PHKB: variants seen among roughly 807,000 people sequenced by gnomAD.
PHKB encodes the protein phosphorylase kinase regulatory subunit beta.
In PHKB, 122 loss-of-function variants were observed where a neutral mutation model predicts 152.1. The observed-to-expected ratio is 0.80, with a 90% CI of 0.69 to 0.93. The LOEUF is 0.93. Among genes scored for constraint, PHKB ranks in the 40% least tolerant of loss-of-function variants. The pLI is 0.00. For missense variants in PHKB, 1,304 were observed against 1,328.4 expected, an observed-to-expected ratio of 0.98 and a Z score of 0.29; for synonymous variants, 436 against 464.9, an observed-to-expected ratio of 0.94 and a Z score of 0.80.
At chr16:47,653,551 T>C (rs532618404) in intron 20 of PHKB, among the ~76,000 whole-genome samples, 2 of 152,180 alleles carry the variant, frequency 1.3e-5, no homozygotes, top group African/African-American at 4.8e-5. Context: ...CTTAAACATT[T>C]TTTTCCACTA....
At chr16:47,566,725 TA>T in intron 7 of PHKB, 1 of 768,604 alleles carries the variant, frequency 1.3e-6, no homozygotes, top group Non-Finnish European at 2.4e-6. Flanking sequence ...TCTTCATCAT[TA>T]CTGTTCCAAG....
intron 3 of PHKB, among the ~76,000 whole-genome samples, chr16:47,501,296 G>A (rs1970320740): frequency 6.6e-6 from 1 of 152,156 alleles, no homozygotes; most frequent in African/African-American, 2.4e-5. Context: ...CTTTAAAAAT[G>A]TCAGTATTAC....
intron 11 of PHKB, 33 bp downstream of exon 11, chr16:47,593,590 C>A: frequency 8.2e-7 from 1 of 1,225,972 alleles, no homozygotes; most frequent in African/African-American, 1.5e-5. Flanking sequence ...TTTAAGCAAG[C>A]TTTTTCCTGA....
intron 26 of PHKB, among the ~76,000 whole-genome samples, chr16:47,671,215 A>G (rs540308645): frequency 5.3e-5 from 8 of 152,296 alleles, no homozygotes; most frequent in African/African-American, 1.7e-4. Flanking sequence ...TTAGCTTGCT[A>G]TATTGTCTTC....
intron 10 of PHKB, 129 bp from the exon 11 acceptor site, chr16:47,593,371 G>T (rs894818523): frequency 3.2e-6 from 2 of 625,376 alleles, no homozygotes; most frequent in African/African-American, 1.8e-5. Context: ...GCCCAGGAGG[G>T]CAAGGCTGCA....
intron 18 of PHKB, 59 bp downstream of exon 18, chr16:47,649,263 T>G: frequency 1.1e-6 from 1 of 923,788 alleles, no homozygotes; most frequent in Non-Finnish European, 1.8e-6. Context: ...GATTTTATCA[T>G]ATGTTACTAT....
At chr16:47,604,786 A>T (rs1347307415) in intron 13 of PHKB, among the ~76,000 whole-genome samples, 1 of 152,166 alleles carries the variant, frequency 6.6e-6, no homozygotes, top group Non-Finnish European at 1.5e-5. Flanking sequence ...GTGAAAAAAA[A>T]ATTAATTAAC....
chr16:47,532,095 G>A (rs1970871343), intron 6 of PHKB, among the ~76,000 whole-genome samples: 1 of 152,118 alleles, frequency 6.6e-6, no homozygotes, highest in Admixed American at 6.5e-5. Flanking sequence ...CAGGAAATTA[G>A]GACCCCTAAT....
intron 25 of PHKB, chr16:47,665,236 C>G: frequency 2.4e-6 from 1 of 415,484 alleles, no homozygotes; most frequent in Non-Finnish European, 4.4e-6. Context: ...CAGCCAGTTT[C>G]AAACCTACAT....
intron 6 of PHKB, among the ~76,000 whole-genome samples, chr16:47,534,147 G>A (rs898656586): frequency 8.5e-5 from 13 of 152,232 alleles, no homozygotes; most frequent in South Asian, 2.1e-4. Flanking sequence ...CATGCAGCCC[G>A]GGTGTACCTA....
At chr16:47,646,605 C>CA (rs1372003473) in intron 16 of PHKB, among the ~76,000 whole-genome samples, 1 of 111,474 alleles carries the variant, frequency 9.0e-6, no homozygotes, top group Non-Finnish European at 2.0e-5. Flanking sequence ...ACAGAACATA[C>CA]AAAGAGTCAT....
intron 24 of PHKB, 145 bp from the exon 25 acceptor site, chr16:47,664,740 C>G (rs1009095982): frequency 2.9e-5 from 20 of 687,870 alleles, no homozygotes; most frequent in South Asian, 1.2e-4. Flanking sequence ...CACATCTGTT[C>G]TTGCTTTATG....
chr16:47,552,489 A>C (rs1971289600), intron 7 of PHKB, among the ~76,000 whole-genome samples: 1 of 152,096 alleles, frequency 6.6e-6, no homozygotes, highest in Non-Finnish European at 1.5e-5. Context: ...GTTTGGCTGG[A>C]TATGAAATTC....
chr16:47,566,277 C>A (rs1320024295), intron 7 of PHKB: 4 of 925,876 alleles, frequency 4.3e-6, no homozygotes, highest in Non-Finnish European at 5.4e-6. Flanking sequence ...GTCATCAAAG[C>A]TGTCTGTGGC....
At chr16:47,599,141 A>C in intron 13 of PHKB, 1 of 466,172 alleles carries the variant, frequency 2.1e-6, no homozygotes, top group Non-Finnish European at 3.8e-6. Flanking sequence ...ACAGTTAAGT[A>C]AAACATATTT....
intron 14 of PHKB, among the ~76,000 whole-genome samples, chr16:47,611,653 G>A (rs1174790049): frequency 6.6e-6 from 1 of 151,940 alleles, no homozygotes; most frequent in Admixed American, 6.6e-5. Flanking sequence ...AAAAAAAAAT[G>A]TGTATTATAC....
intron 26 of PHKB, among the ~76,000 whole-genome samples, chr16:47,688,463 A>G (rs909954709): frequency 1.3e-5 from 2 of 152,216 alleles, no homozygotes; most frequent in Non-Finnish European, 2.9e-5. Flanking sequence ...GTTAAAGTAC[A>G]TCTTTAATGT....
chr16:47,658,724 A>G (rs1024368768), intron 20 of PHKB, among the ~76,000 whole-genome samples: 1 of 152,064 alleles, frequency 6.6e-6, no homozygotes, highest in African/African-American at 2.4e-5. Flanking sequence ...TTGTGTAAGT[A>G]CACTCTATGG....
intron 6 of PHKB, among the ~76,000 whole-genome samples, chr16:47,518,894 C>T (rs1265480042): frequency 6.6e-6 from 1 of 152,124 alleles, no homozygotes; most frequent in Non-Finnish European, 1.5e-5. Flanking sequence ...TCATGACATT[C>T]TCCATTAATA....
Sources: gnomAD v4.1 joint callset for allele counts (sites outside exome capture counted in the v4.1 genomes callset) on GRCh38, gnomAD v4.1.1 for gene constraint, MANE v1.5 for transcripts, NCBI Gene and HGNC (gene_info 2026-07-23, HGNC 2026-07-21) for gene names.